The following CPA6 variants were observed in gnomAD, a reference collection of about 807,000 sequenced individuals.
The protein encoded by CPA6 is carboxypeptidase B.
A neutral mutation model predicts 63.3 loss-of-function variants in CPA6; 58 were observed. That is an observed-to-expected ratio of 0.92 (90% CI 0.74 to 1.14). The LOEUF (loss-of-function observed/expected upper bound fraction) is 1.14. Among genes scored for constraint, CPA6 ranks in the 50% most tolerant of loss-of-function variants. The pLI is 0.00. For synonymous variants in CPA6, 185 were observed against 179.0 expected, an observed-to-expected ratio of 1.03 and a Z score of -0.27; for missense variants, 565 against 526.6, an observed-to-expected ratio of 1.07 and a Z score of -0.71.
chr8:67,568,644 T>C (rs1194639533), intron 2 of CPA6, among the ~76,000 whole-genome samples: 2 of 152,108 alleles, frequency 1.3e-5, no homozygotes, highest in Non-Finnish European at 2.9e-5. Context: ...ATGAAAAAGA[T>C]GAAGAAAGCC....
chr8:67,730,593 T>C (rs138942389), intron 1 of CPA6, among the ~76,000 whole-genome samples: 146 of 152,262 alleles, frequency 9.6e-4, no homozygotes, highest in Middle Eastern at 3.4e-3. Flanking sequence ...AATCACATGG[T>C]TGGTTTCCCT....
At chr8:67,656,983 A>C in intron 1 of CPA6, among the ~76,000 whole-genome samples, 1 of 152,170 alleles carries the variant, frequency 6.6e-6, no homozygotes, top group East Asian at 1.9e-4. Context: ...TAAAATCAAA[A>C]AATGAAGAAT....
At chr8:67,701,279 T>C (rs1442961353) in intron 1 of CPA6, among the ~76,000 whole-genome samples, 1 of 152,168 alleles carries the variant, frequency 6.6e-6, no homozygotes, top group South Asian at 2.1e-4. Flanking sequence ...ATGAATCAAG[T>C]TAATCTTGTT....
intron 1 of CPA6, among the ~76,000 whole-genome samples, chr8:67,705,713 G>A (rs766952881): frequency 1.3e-5 from 2 of 152,000 alleles, no homozygotes; most frequent in Non-Finnish European, 2.9e-5. Flanking sequence ...ACTTCATCCT[G>A]GTCAGTCCTA....
At chr8:67,714,156 A>T (rs1047929427) in intron 1 of CPA6, among the ~76,000 whole-genome samples, 1 of 152,194 alleles carries the variant, frequency 6.6e-6, no homozygotes, top group South Asian at 2.1e-4. Flanking sequence ...TTATACCCAA[A>T]CAAATATATT....
chr8:67,488,734 G>C (rs113663606), intron 6 of CPA6, among the ~76,000 whole-genome samples: 2 of 152,044 alleles, frequency 1.3e-5, no homozygotes, highest in African/African-American at 4.8e-5. Context: ...TTCGTTGAGC[G>C]GTGGTTTGTA....
Position 67,576,925 on chromosome 8 carries a change from C to T in CPA6, c.192+47251G>A, listed in dbSNP as rs181812744. On this transcript the variant is annotated intron_variant, in intron 2 of 10. Transcript: ENST00000297770. ...TTACCCAGGCTGGAATGCGGTGGCA[C>T]GATCTCAGCTCACTGCAACCTTCCG... Among the ~76,000 whole-genome samples, 127 of 151,094 alleles carry T rather than the reference C, an allele frequency of 8.4e-4. 1 individual carries two copies. The highest frequency in any genetic ancestry group is 2.7e-3 in the Admixed American group (41 of 15,114).
chr8:67,692,328 CAA>C (rs55676882), intron 1 of CPA6, among the ~76,000 whole-genome samples: 2 of 89,966 alleles, frequency 2.2e-5, no homozygotes, highest in African/African-American at 3.9e-5. Flanking sequence ...AATCCTGTCT[CAA>C]AAAAAAAAAA....
At chr8:67,543,722 C>T (rs549220998) in intron 2 of CPA6, among the ~76,000 whole-genome samples, 1 of 152,050 alleles carries the variant, frequency 6.6e-6, no homozygotes, top group South Asian at 2.1e-4. Flanking sequence ...AACACATCTC[C>T]AGACCTTTTT....
rs144013159 is a variant in CPA6 at position 67,746,348 on chromosome 8, A to AAGCAGCAGC, written c.-228_-220dup. On this transcript the variant is annotated 5_prime_UTR_variant, in exon 1 of 11. Transcript: ENST00000297770. Reference sequence around the variant, plus strand: ...TGCTATTACGACTTGGTCTTGGGACAAGCAGCAGCAGCAGCAGCAGCAGCT... The same window carrying AAGCAGCAGC: ...TGCTATTACGACTTGGTCTTGGGACAAGCAGCAGCAGCAGCAGCAGCAGCAGCAGCAGCT... 2.0e-5 allele frequency: 8 copies of AAGCAGCAGC among 403,948 alleles called. No individual in the cohort carries two copies. Among genetic ancestry groups the AAGCAGCAGC allele is most frequent in the Non-Finnish European group, 3.2e-5 (7 of 221,022 alleles). The allele number at this position is 403,948 out of a possible 1,614,324, so 25.0% of individuals were successfully genotyped here.
At chr8:67,433,971 T>G in intron 9 of CPA6, 67 bp downstream of exon 9, 1 of 1,105,336 alleles carries the variant, frequency 9.0e-7, no homozygotes, top group South Asian at 1.3e-5. Context: ...CATTAGTACT[T>G]AGAACCATCT....
In CPA6 at chr8:67,438,838, T is replaced by C. The variant is rs1810223046; in HGVS notation, c.839-4598A>G. ...GTTGGTCTATTTTGAAAAGGAGATA[T>C]AGATATTGATTAAATTTAGAAATTG... On this transcript the variant is annotated intron_variant, in intron 8 of 10. Transcript: ENST00000297770. Among the ~76,000 whole-genome samples, 3 of 151,754 alleles carry C rather than the reference T, an allele frequency of 2.0e-5. No homozygotes were observed. The East Asian group carries it at 5.8e-4, about 29-fold the overall frequency.
chr8:67,697,205 A>AGCTCCCAG (rs1563397444), intron 1 of CPA6, among the ~76,000 whole-genome samples: 1 of 152,200 alleles, frequency 6.6e-6, no homozygotes, highest in African/African-American at 2.4e-5. Context: ...GGGCAGTGGC[A>AGCTCCCAG]GCTCCCAGGG....
intron 6 of CPA6, among the ~76,000 whole-genome samples, chr8:67,494,969 A>G (rs1811678684): frequency 2.0e-5 from 3 of 152,154 alleles, no homozygotes; most frequent in Admixed American, 6.5e-5. Flanking sequence ...AACAGCATTC[A>G]TTCTTTTGGT....
intron 2 of CPA6, among the ~76,000 whole-genome samples, chr8:67,551,679 T>A (rs1323893650): frequency 6.6e-6 from 1 of 152,238 alleles, no homozygotes; most frequent in Non-Finnish European, 1.5e-5. Context: ...CATTTGTTTA[T>A]ATCATCTATG....
chr8:67,716,246 G>C (rs926473973), intron 1 of CPA6, among the ~76,000 whole-genome samples: 17 of 149,166 alleles, frequency 1.1e-4, no homozygotes, highest in African/African-American at 4.2e-4. Context: ...TGGGTAAAAT[G>C]AGTCTGAGAC....
intron 10 of CPA6, among the ~76,000 whole-genome samples, chr8:67,423,826 C>G (rs1192019055): frequency 6.6e-6 from 1 of 152,236 alleles, no homozygotes; most frequent in East Asian, 1.9e-4. Context: ...GGGTCCCCAA[C>G]CCCCAGGCCA....
At chr8:67,676,024 T>C (rs1816464522) in intron 1 of CPA6, among the ~76,000 whole-genome samples, 1 of 152,218 alleles carries the variant, frequency 6.6e-6, no homozygotes, top group South Asian at 2.1e-4. Flanking sequence ...CCTGTACGTT[T>C]TTAAATCAGC....
chr8:67,615,488 C>T (rs573746359), intron 2 of CPA6, among the ~76,000 whole-genome samples: 4 of 151,630 alleles, frequency 2.6e-5, no homozygotes, highest in African/African-American at 9.7e-5. Context: ...GGTGAAATTG[C>T]AAGGATGAAT....
Sources: gnomAD v4.1 joint callset for allele counts (sites outside exome capture counted in the v4.1 genomes callset) on GRCh38, gnomAD v4.1.1 for gene constraint, MANE v1.5 for transcripts, NCBI Gene and HGNC (gene_info 2026-07-23, HGNC 2026-07-21) for gene names.